Variants in NFATC1 observed in about 807,000 individuals in gnomAD.
NFATC1 encodes the protein nuclear factor of activated T cells 1.
Under a neutral mutation model 76.0 loss-of-function variants are expected in NFATC1, and 22 were observed. The ratio of observed to expected loss-of-function variants is 0.29; its 90% CI spans 0.21 to 0.41. NFATC1 has a LOEUF of 0.41. NFATC1 is among the 10% of genes least tolerant of loss of function. The pLI is 1.00. For missense variants in NFATC1, 1,357 were observed against 1,337.7 expected, an observed-to-expected ratio of 1.01 and a Z score of -0.23; for synonymous variants, 704 against 613.1, an observed-to-expected ratio of 1.15 and a Z score of -2.19.
chr18:79,509,386 C>G (rs2145166559), intron 9 of NFATC1, among the ~76,000 whole-genome samples: 1 of 152,350 alleles, frequency 6.6e-6, no homozygotes, highest in Admixed American at 6.5e-5. Context: ...CCAGGTCCCC[C>G]TTCACTGTAG....
intron 3 of NFATC1, among the ~76,000 whole-genome samples, chr18:79,438,869 G>A (rs1004404734): frequency 6.6e-6 from 1 of 152,224 alleles, no homozygotes; most frequent in Non-Finnish European, 1.5e-5. Context: ...CCATTGCCCA[G>A]CTTGTAGGTC....
At chr18:79,500,811 A>G (rs2089996324) in intron 9 of NFATC1, among the ~76,000 whole-genome samples, 1 of 152,234 alleles carries the variant, frequency 6.6e-6, no homozygotes, top group Non-Finnish European at 1.5e-5. Flanking sequence ...ACAGAAAAGT[A>G]TAATAGACCT....
At chr18:79,473,245 C>T (rs1338503869) in intron 8 of NFATC1, among the ~76,000 whole-genome samples, 1 of 152,264 alleles carries the variant, frequency 6.6e-6, no homozygotes, top group Non-Finnish European at 1.5e-5. Context: ...TGAACAGCGG[C>T]CTGTGGGCCC....
intron 8 of NFATC1, chr18:79,467,878 T>G: frequency 8.4e-7 from 1 of 1,189,426 alleles, no homozygotes; most frequent in Non-Finnish European, 1.0e-6. Context: ...ATGGCTCTTC[T>G]GCTCCAAAAA....
chr18:79,520,063 C>T (rs76338108), intron 9 of NFATC1, among the ~76,000 whole-genome samples: 12,013 of 152,182 alleles, frequency 0.079, 586 homozygotes, highest in African/African-American at 0.13. Flanking sequence ...GCGTTTTGAC[C>T]GTCGGCAGGG....
chr18:79,451,996 G>C (rs1044131995), intron 6 of NFATC1, 180 bp downstream of exon 6: 3 of 650,756 alleles, frequency 4.6e-6, no homozygotes, highest in Non-Finnish European at 7.0e-6. Flanking sequence ...TTTTGTGTGA[G>C]CCGACAGCTG....
intron 2 of NFATC1, among the ~76,000 whole-genome samples, chr18:79,423,268 G>A (rs1453901560): frequency 6.6e-6 from 1 of 152,222 alleles, no homozygotes; most frequent in African/African-American, 2.4e-5. Flanking sequence ...CGGCCTCACA[G>A]CCCAGATCCC....
At chr18:79,420,645 C>A (rs533961458) in intron 2 of NFATC1, among the ~76,000 whole-genome samples, 1 of 138,868 alleles carries the variant, frequency 7.2e-6, no homozygotes, top group African/African-American at 2.8e-5. Context: ...CGTTTCCAGG[C>A]AAGGTCGCTG....
Position 79,486,694 on chromosome 18 carries a change from C to T in NFATC1, c.2539C>T (p.Pro847Ser), listed in dbSNP as rs1398027357. The T allele has an allele frequency of 6.2e-7, 1 of 1,600,106 alleles. No homozygotes were observed. The highest frequency in any genetic ancestry group is 1.1e-5 in the South Asian group (1 of 90,072). The change falls in exon 9 of 10, where the codon CCC (proline) becomes TCC (serine). Residue 847 changes from proline to serine, a missense_variant. Physicochemically the swap from Pro to Ser is moderately conservative, Grantham distance 74 (BLOSUM62 -1). Transcript: ENST00000427363. The part of the protein sequence containing the change: ...GLEHSLCPSS[P>S]SPPLPPATQE... The stretch of plus-strand genomic sequence containing the variant: ...CGAACACTCGCTCTGCCCCAGCAGC[C>T]CCTCTCCTCCACTCCCGCCTGCCAC...
intron 2 of NFATC1, among the ~76,000 whole-genome samples, chr18:79,416,284 C>T (rs953211591): frequency 1.3e-5 from 2 of 152,252 alleles, no homozygotes; most frequent in Admixed American, 1.3e-4. Flanking sequence ...CAGGTGGACT[C>T]TGTCTTCTCT....
Position 79,454,631 on chromosome 18 carries a change from G to A in NFATC1, c.1903+2815G>A, listed in dbSNP as rs753500054. Among the ~76,000 whole-genome samples, 3 of 152,324 alleles carry A rather than the reference G, an allele frequency of 2.0e-5. No individual in the cohort carries two copies. In the East Asian group the frequency reaches 5.8e-4, roughly 29 times the overall value. ...TTCCTCCCAGGTGTCTCAGGGCGGC[G>A]CAAAAGGCCGGGAGCGGAGTCAGCC... On this transcript the variant is annotated intron_variant, in intron 6 of 9. Coordinates refer to ENST00000427363, the MANE Select transcript of NFATC1 (RefSeq NM_001278669.2).
In NFATC1 at chr18:79,410,622, A is replaced by T; in HGVS notation, c.347A>T (p.Glu116Val). ...HTRPDGAPAL[E>V]SPRIEITSCL... ...AGGCCTGATGGGGCCCCTGCCCTGG[A>T]GAGTCCTCGCATCGAGATAACCTCG... The change falls in exon 2 of 10, where the codon GAG becomes GTG. Residue 116 changes from glutamate to valine, a missense_variant. Physicochemically the swap from Glu to Val is moderately radical, Grantham distance 121. This residue lies in a region of NFATC1 where 691 missense variants were observed against 613.1 expected (regional missense o/e 1.13). Coordinates refer to ENST00000427363, the MANE Select transcript of NFATC1 (RefSeq NM_001278669.2). The surrounding 1 kb of genome is among the most constrained non-coding windows in gnomAD (Gnocchi z 6.7). 1.2e-6 allele frequency: 2 copies of T among 1,613,034 alleles called. No homozygotes were observed.
intron 2 of NFATC1, among the ~76,000 whole-genome samples, chr18:79,417,876 C>T (rs2085932045): frequency 1.6e-5 from 1 of 62,022 alleles, no homozygotes; most frequent in African/African-American, 6.8e-5. Flanking sequence ...GGGAGATGGG[C>T]TGGGCAGGAG....
chr18:79,484,111 CTG>C (rs1262541411), intron 8 of NFATC1, among the ~76,000 whole-genome samples: 1 of 151,530 alleles, frequency 6.6e-6, no homozygotes, highest in Non-Finnish European at 1.5e-5. Flanking sequence ...GGTGGGGTGG[CTG>C]ACGAGGCGGG....
At chr18:79,421,737 A>G (rs1368048839) in intron 2 of NFATC1, 2 of 152,308 alleles carry the variant, frequency 1.3e-5, no homozygotes, top group Admixed American at 6.5e-5. Context: ...AGAGACCAGG[A>G]GAGGGCTGTG....
At chr18:79,456,325 G>A (rs1279863952) in intron 6 of NFATC1, among the ~76,000 whole-genome samples, 1 of 152,220 alleles carries the variant, frequency 6.6e-6, no homozygotes, top group Non-Finnish European at 1.5e-5. Flanking sequence ...GAAGCGCCAG[G>A]CAAGGACCCT....
intron 9 of NFATC1, among the ~76,000 whole-genome samples, chr18:79,487,221 C>T (rs1481029801): frequency 6.6e-6 from 1 of 152,234 alleles, no homozygotes; most frequent in African/African-American, 2.4e-5. Context: ...GGGTCTAAGG[C>T]TCACATTGGT....
chr18:79,400,574 C>A, intron 1 of NFATC1: 1 of 1,107,216 alleles, frequency 9.0e-7, no homozygotes, highest in Non-Finnish European at 1.2e-6. Flanking sequence ...CCCCGGGGAC[C>A]CCAGGAGTCC....
chr18:79,431,115 C>G (rs1008222241), intron 2 of NFATC1, among the ~76,000 whole-genome samples: 2 of 152,174 alleles, frequency 1.3e-5, no homozygotes, highest in African/African-American at 4.8e-5. Flanking sequence ...AGCAGGCACC[C>G]GCAGGGCCCA....
Sources: gnomAD v4.1 joint callset for allele counts (sites outside exome capture counted in the v4.1 genomes callset) on GRCh38, gnomAD v4.1.1 for gene constraint, gnomAD v4.1.1 regional missense constraint, Gnocchi (gnomAD v3.1) non-coding constraint, MANE v1.5 for transcripts, NCBI Gene and HGNC (gene_info 2026-07-23, HGNC 2026-07-21) for gene names.